PICALM: variants seen among roughly 807,000 people sequenced by gnomAD.
PICALM encodes phosphatidylinositol binding clathrin assembly protein.
Under a neutral mutation model 80.5 loss-of-function variants are expected in PICALM, and 40 were observed. The observed-to-expected ratio is 0.50, with a 90% confidence interval of 0.39 to 0.65. The LOEUF is 0.65. Ranked by LOEUF, PICALM falls within the 30% of genes least tolerant of loss-of-function variation. The pLI is 0.00. For synonymous variants in PICALM, 288 were observed against 260.3 expected, an observed-to-expected ratio of 1.11 and a Z score of -1.02; for missense variants, 676 against 778.9, an observed-to-expected ratio of 0.87 and a Z score of 1.57.
chr11:86,054,749 C>T (rs17148741), intron 1 of PICALM, among the ~76,000 whole-genome samples: 9,204 of 152,162 alleles, frequency 0.06, 512 homozygotes, highest in African/African-American at 0.15. Flanking sequence ...AGATCTCAGG[C>T]TCCTTTTAAG....
intron 12 of PICALM, among the ~76,000 whole-genome samples, chr11:85,995,244 T>C (rs2094921809): frequency 6.6e-6 from 1 of 152,142 alleles, no homozygotes; most frequent in South Asian, 2.1e-4. Flanking sequence ...CTGATTAATT[T>C]ATAGGACTTA....
intron 4 of PICALM, among the ~76,000 whole-genome samples, chr11:86,018,957 G>A (rs758732632): frequency 1.3e-4 from 19 of 151,948 alleles, no homozygotes; most frequent in Admixed American, 2.0e-4. Flanking sequence ...AAATACACAG[G>A]AGGGGAAGAA....
chr11:86,022,694 T>A (rs940519940), intron 3 of PICALM, among the ~76,000 whole-genome samples: 5 of 148,974 alleles, frequency 3.4e-5, no homozygotes, highest in Non-Finnish European at 6.0e-5. Flanking sequence ...TATGTAGTTT[T>A]AAAAAAAAAA....
intron 13 of PICALM, among the ~76,000 whole-genome samples, chr11:85,987,887 C>T (rs2094627862): frequency 6.6e-6 from 1 of 152,228 alleles, no homozygotes; most frequent in South Asian, 2.1e-4. Context: ...ACTATTATCC[C>T]AACTTGCATA....
chr11:86,001,848 C>T (rs2095154973), intron 9 of PICALM, among the ~76,000 whole-genome samples: 1 of 152,180 alleles, frequency 6.6e-6, no homozygotes, highest in South Asian at 2.1e-4. Flanking sequence ...CATTAACTTT[C>T]CAAATGTTAA....
intron 1 of PICALM, among the ~76,000 whole-genome samples, chr11:86,039,731 T>G (rs1466082158): frequency 2.6e-5 from 4 of 152,062 alleles, no homozygotes; most frequent in African/African-American, 7.2e-5. Context: ...TTGGGTGTCT[T>G]CAGAACTTTA....
Position 85,981,897 on chromosome 11 carries a change from A to G in PICALM, c.1623T>C (p.Asp541=). Residue 541 remains aspartate (D), a synonymous_variant, in exon 15 of 20, where the codon GAT becomes GAC. Coordinates refer to ENST00000393346, the MANE Select transcript of PICALM (RefSeq NM_007166.4). The part of the protein sequence containing the change: ...PPSKLVSDDL[D]SSLANLVGNL... ...TGCCCACAAGGTTGGCTAAAGATGA[A>G]TCCAAGTCATCAGATACTAACTTGC... The G allele has an allele frequency of 6.2e-7, 1 of 1,613,774 alleles. No homozygotes were observed. Among genetic ancestry groups the G allele is most frequent in the Non-Finnish European group, 8.5e-7 (1 of 1,179,622 alleles).
At chr11:86,031,082 C>G (rs72963086) in intron 2 of PICALM, among the ~76,000 whole-genome samples, 29,514 of 152,116 alleles carry the variant, frequency 0.19, 3,161 homozygotes, top group Middle Eastern at 0.24. Flanking sequence ...GGTACCACTG[C>G]ACCTCAGCCT....
intron 1 of PICALM, among the ~76,000 whole-genome samples, chr11:86,043,018 T>A (rs1279626628): frequency 6.6e-6 from 1 of 152,224 alleles, no homozygotes; most frequent in Non-Finnish European, 1.5e-5. Context: ...GTCCTGGTTT[T>A]GCTGGAACAG....
In PICALM at chr11:85,986,384, T is replaced by G. The variant is rs2094572282; in HGVS notation, c.1409-2411A>C. Among the ~76,000 whole-genome samples the G allele has an allele frequency of 2.5e-5, 3 of 118,736 alleles. No homozygotes were observed. The South Asian group carries it at 9.3e-4, about 37-fold the overall frequency. The allele number at this position is 118,736 out of a possible 152,430, so 77.9% of individuals were successfully genotyped here. ...CTTTTAATTTTTTTTTTTTTTTTTT[T>G]TTTTTTTTTTTTTTTTTGAGACGGA... On this transcript the variant is annotated intron_variant, in intron 13 of 19. Coordinates refer to ENST00000393346, the MANE Select transcript of PICALM (RefSeq NM_007166.4).
At chr11:86,013,269 C>T (rs1444190547) in intron 5 of PICALM, among the ~76,000 whole-genome samples, 1 of 151,990 alleles carries the variant, frequency 6.6e-6, no homozygotes, top group Non-Finnish European at 1.5e-5. Context: ...GAGCTATGAT[C>T]ATGCCACAGA....
intron 1 of PICALM, among the ~76,000 whole-genome samples, chr11:86,039,725 G>A (rs1446967047): frequency 6.6e-6 from 1 of 152,094 alleles, no homozygotes; most frequent in Admixed American, 6.6e-5. Context: ...ATTGTGTTGG[G>A]TGTCTTCAGA....
chr11:86,055,057 G>T (rs1044484032), intron 1 of PICALM, among the ~76,000 whole-genome samples: 1 of 152,060 alleles, frequency 6.6e-6, no homozygotes, highest in Non-Finnish European at 1.5e-5. Context: ...CTGGCTGGGG[G>T]TGGTGGCTAA....
At chr11:86,061,905 G>C (rs986362093) in intron 1 of PICALM, among the ~76,000 whole-genome samples, 1 of 151,476 alleles carries the variant, frequency 6.6e-6, no homozygotes, top group Non-Finnish European at 1.5e-5. Flanking sequence ...GGTATATCCA[G>C]ATAATAGAAT....
intron 1 of PICALM, among the ~76,000 whole-genome samples, chr11:86,036,701 G>A (rs1038085575): frequency 4.6e-5 from 7 of 152,072 alleles, no homozygotes; most frequent in East Asian, 3.8e-4. Flanking sequence ...TGAGGCCAAC[G>A]AATGCATGGC....
intron 13 of PICALM, among the ~76,000 whole-genome samples, chr11:85,986,665 C>T (rs770162809): frequency 2.0e-5 from 3 of 152,146 alleles, no homozygotes; most frequent in Non-Finnish European, 4.4e-5. Flanking sequence ...GCTGGGATTA[C>T]AGGCGTGAGC....
At position 86,068,829 on chromosome 11, in the gene PICALM, G is replaced by A. The variant is rs747911426; in HGVS notation, c.-49C>T. On this transcript the variant is annotated 5_prime_UTR_variant, in exon 1 of 20. Coordinates refer to ENST00000393346, the MANE Select transcript of PICALM (RefSeq NM_007166.4). ...ACCCGCTCAGCAGCCGGCGGGGACTGGGACCCCCAAGAGCCGGAGGGTCCC... is the reference window on the plus strand; with the variant it reads ...ACCCGCTCAGCAGCCGGCGGGGACTAGGACCCCCAAGAGCCGGAGGGTCCC... 1.1e-5 allele frequency: 17 copies of A among 1,548,440 alleles called. No homozygotes were observed. The highest frequency in any genetic ancestry group is 1.5e-5 in the Non-Finnish European group (17 of 1,151,484).
At chr11:86,044,215 A>G (rs1002284954) in intron 1 of PICALM, among the ~76,000 whole-genome samples, 1 of 152,200 alleles carries the variant, frequency 6.6e-6, no homozygotes, top group African/African-American at 2.4e-5. Context: ...GGATGGAGCT[A>G]TGTGTTTGAG....
At chr11:85,968,793 A>G (rs1486882749) in intron 19 of PICALM, among the ~76,000 whole-genome samples, 1 of 152,222 alleles carries the variant, frequency 6.6e-6, no homozygotes, top group Non-Finnish European at 1.5e-5. Flanking sequence ...ACAAGGACCT[A>G]GAATTTATCA....
Sources: gnomAD v4.1 joint callset for allele counts (sites outside exome capture counted in the v4.1 genomes callset) on GRCh38, gnomAD v4.1.1 for gene constraint, MANE v1.5 for transcripts, NCBI Gene and HGNC (gene_info 2026-07-23, HGNC 2026-07-21) for gene names.